NEO1: variants seen among roughly 807,000 people sequenced by gnomAD.
NEO1 encodes the protein neogenin 1, also known as neogenin.
NEO1 carries 63 observed loss-of-function variants against 159.7 expected under a neutral mutation model. The ratio of observed to expected loss-of-function variants is 0.39; its 90% CI spans 0.32 to 0.49. The LOEUF is 0.49. Among genes scored for constraint, NEO1 ranks in the 20% least tolerant of loss-of-function variants. The pLI is 0.85. For missense variants in NEO1, 1,615 were observed against 1,831.0 expected (o/e 0.88, Z 2.15); for synonymous variants, 633 against 662.0 (o/e 0.96, Z 0.67).
chr15:73,234,071 C>T (rs1292285761), intron 7 of NEO1, among the ~76,000 whole-genome samples: 1 of 152,172 alleles, frequency 6.6e-6, no homozygotes, highest in Admixed American at 6.5e-5. Context: ...ACTTTCTCTC[C>T]TCTCTAGCCA....
intron 22 of NEO1, among the ~76,000 whole-genome samples, chr15:73,279,806 A>G (rs969334370): frequency 1.3e-5 from 2 of 152,178 alleles, no homozygotes; most frequent in Non-Finnish European, 2.9e-5. Flanking sequence ...ATGTCAAGAA[A>G]GGGATTGGAC....
At chr15:73,269,925 C>T in intron 16 of NEO1, 85 bp from the exon 17 acceptor site, 2 of 1,034,128 alleles carry the variant, frequency 1.9e-6, no homozygotes, top group Non-Finnish European at 2.9e-6. Context: ...CCTTTCATTC[C>T]ATTATATTAC....
intron 1 of NEO1, among the ~76,000 whole-genome samples, chr15:73,097,435 A>G (rs2070118246): frequency 1.5e-5 from 2 of 133,330 alleles, no homozygotes; most frequent in Non-Finnish European, 3.0e-5. Flanking sequence ...GTCTTGGCTC[A>G]CTGCAACCTC....
In NEO1 at chr15:73,272,578, G is replaced by A; in HGVS notation, c.2965+16G>A. 1 of 1,543,690 alleles carries A rather than the reference G, an allele frequency of 6.5e-7. No individual in the cohort carries two copies. The highest frequency in any genetic ancestry group is 9.0e-7 in the Non-Finnish European group (1 of 1,115,552). ...AAAATTACAGGTAAAATGCAATCAA[G>A]TGTGCATTTCTTTGTGCGCTCTTCC... is the stretch of plus-strand genomic sequence containing the variant. On this transcript the variant is annotated intron_variant, in intron 19 of 28. Transcript: ENST00000261908.
intron 26 of NEO1, among the ~76,000 whole-genome samples, chr15:73,296,806 G>C (rs116745400): frequency 0.013 from 1,984 of 152,266 alleles, 18 homozygotes; most frequent in Middle Eastern, 0.027. Context: ...GCTGGACTAA[G>C]GGATGAGGCA....
chr15:73,094,968 T>C (rs991745301), intron 1 of NEO1, among the ~76,000 whole-genome samples: 2 of 152,174 alleles, frequency 1.3e-5, no homozygotes, highest in African/African-American at 4.8e-5. Flanking sequence ...CCCAGCACTT[T>C]GGGAGGCTGA....
At chr15:73,053,742 A>G (rs1595875031) in intron 1 of NEO1, among the ~76,000 whole-genome samples, 1 of 152,244 alleles carries the variant, frequency 6.6e-6, no homozygotes, top group Non-Finnish European at 1.5e-5. Context: ...TTGAAAGGCA[A>G]ATTAGCATGT....
chr15:73,125,256 G>A (rs182325007), intron 3 of NEO1, among the ~76,000 whole-genome samples: 1 of 152,206 alleles, frequency 6.6e-6, no homozygotes, highest in Non-Finnish European at 1.5e-5. Flanking sequence ...GTTTTGGGTT[G>A]TACTGGTTAA....
chr15:73,187,562 G>A (rs951579850), intron 7 of NEO1, among the ~76,000 whole-genome samples: 1 of 152,176 alleles, frequency 6.6e-6, no homozygotes, highest in African/African-American at 2.4e-5. Context: ...GATACTTCAG[G>A]CTTTACCTGA....
In NEO1 at chr15:73,081,955, A is replaced by G. The variant is rs545128723; in HGVS notation, c.130+29150A>G. ...AATTTTGGCTCACTGCAACCTCCGC[A>G]CTCCCTGCTCCGGGCCCAAGTGATT... On this transcript the variant is annotated intron_variant, in intron 1 of 28. Transcript: ENST00000261908. 3.5e-5 allele frequency among the ~76,000 whole-genome samples: 5 copies of G among 144,236 alleles called. No individual in the cohort carries two copies. The South Asian group carries it at 1.1e-3, about 32-fold the overall frequency. 94.6% of individuals were successfully genotyped at this position (144,236 alleles called of 152,430 possible).
At chr15:73,120,828 G>A (rs535803702) in intron 2 of NEO1, among the ~76,000 whole-genome samples, 55 of 152,054 alleles carry the variant, frequency 3.6e-4, no homozygotes, top group African/African-American at 7.7e-4. Flanking sequence ...TATTTATGAC[G>A]ACATTTTTGG....
At chr15:73,302,472 T>A (rs2042657848) in intron 28 of NEO1, 141 bp from the exon 29 acceptor site, 2 of 679,674 alleles carry the variant, frequency 2.9e-6, no homozygotes, top group Admixed American at 2.5e-5. Flanking sequence ...TTTCCACTCT[T>A]CTGAGCCACC....
chr15:73,289,291 G>T, intron 25 of NEO1, 53 bp downstream of exon 25: 1 of 1,428,712 alleles, frequency 7.0e-7, no homozygotes, highest in Non-Finnish European at 9.8e-7. Flanking sequence ...CAGTCATGTA[G>T]GGGAACAACT....
chr15:73,235,826 A>C (rs775711949), intron 7 of NEO1, among the ~76,000 whole-genome samples: 1 of 152,256 alleles, frequency 6.6e-6, no homozygotes, highest in African/African-American at 2.4e-5. Context: ...CACAATAGCC[A>C]TGAGCCTCTC....
chr15:73,176,300 G>T (rs1382868909), intron 5 of NEO1, 103 bp from the exon 6 acceptor site: 2 of 695,742 alleles, frequency 2.9e-6, no homozygotes, highest in South Asian at 5.2e-5. Context: ...TTCAAATAAT[G>T]AGTAAAAATC....
chr15:73,148,196 C>T (rs139059819), intron 5 of NEO1, among the ~76,000 whole-genome samples: 1 of 152,268 alleles, frequency 6.6e-6, no homozygotes, highest in East Asian at 1.9e-4. Flanking sequence ...ATCAAATCTA[C>T]AAGCTTTGGT....
chr15:73,083,923 G>A (rs1475670589), intron 1 of NEO1, among the ~76,000 whole-genome samples: 1 of 151,964 alleles, frequency 6.6e-6, no homozygotes, highest in South Asian at 2.1e-4. Context: ...CCAAAACACT[G>A]GGATTACAGG....
intron 11 of NEO1, among the ~76,000 whole-genome samples, chr15:73,253,157 G>A (rs1038278074): frequency 2.6e-5 from 4 of 152,124 alleles, no homozygotes; most frequent in African/African-American, 4.8e-5. Flanking sequence ...CAAAGGTACA[G>A]CCTGGCTTGG....
At chr15:73,198,272 T>C (rs1403157520) in intron 7 of NEO1, among the ~76,000 whole-genome samples, 1 of 152,230 alleles carries the variant, frequency 6.6e-6, no homozygotes, top group African/African-American at 2.4e-5. Flanking sequence ...TCATATACTG[T>C]ACATTGTCCT....
Sources: allele counts gnomAD v4.1 joint callset (sites outside exome capture counted in the v4.1 genomes callset), GRCh38; gene constraint gnomAD v4.1.1; transcripts MANE v1.5; gene names NCBI Gene and HGNC (gene_info 2026-07-23, HGNC 2026-07-21).